Variants in EIF2D observed in about 807,000 individuals in gnomAD.
The protein encoded by EIF2D is hepatocellular carcinoma-associated antigen 56.
Under a neutral mutation model 77.4 loss-of-function variants are expected in EIF2D, and 56 were observed. The observed-to-expected ratio is 0.72, with a 90% CI of 0.58 to 0.90. EIF2D has a LOEUF of 0.90. Among genes scored for constraint, EIF2D ranks in the 40% least tolerant of loss-of-function variants. EIF2D has a pLI of 0.00. For synonymous variants in EIF2D, 230 were observed against 271.0 expected, an observed-to-expected ratio of 0.85 and a Z score of 1.49; for missense variants, 574 against 706.5, an observed-to-expected ratio of 0.81 and a Z score of 2.13.
chr1:206,569,901 C>T (rs1430470005), downstream of EIF2D, among the ~76,000 whole-genome samples: 2 of 151,994 alleles, frequency 1.3e-5, no homozygotes, highest in Admixed American at 6.6e-5. Context: ...GAGGGCTTGG[C>T]GTGATGGAGG....
At position 206,593,747 on chromosome 1, in the gene EIF2D, G is replaced by A. The variant is rs781871445; in HGVS notation, c.1556C>T (p.Ser519Leu). Residue 519 changes from serine to leucine, a missense_variant, in exon 14 of 15, where the codon TCA (serine) becomes TTA (leucine). Ser to Leu is a moderately radical substitution (Grantham distance 145, BLOSUM62 -2). Transcript: ENST00000271764. ...NLEAYGLDPYSVAAILQQRCQ... is the reference protein window; with the variant it reads ...NLEAYGLDPYLVAAILQQRCQ... ...TCGCTGCTGAAGGATGGCAGCCACT[G>A]AGTATGGGTCCAGACCATAGGCCTC... 1.2e-6 allele frequency: 2 copies of A among 1,613,746 alleles called. No individual in the cohort carries two copies. The highest frequency in any genetic ancestry group is 2.2e-5 in the East Asian group (1 of 44,876).
At chr1:206,569,593 G>C (rs1281080135), downstream of EIF2D, among the ~76,000 whole-genome samples, 3 of 152,212 alleles carry the variant, frequency 2.0e-5, no homozygotes, top group Non-Finnish European at 4.4e-5. Context: ...CTGGCCCTGT[G>C]ACAGCCATCT....
intron 4 of EIF2D, among the ~76,000 whole-genome samples, chr1:206,580,228 C>T (rs1553405990): frequency 6.6e-6 from 1 of 152,180 alleles, no homozygotes; most frequent in African/African-American, 2.4e-5. Flanking sequence ...CTTTGCTTCT[C>T]ACTGTATTCA....
rs551042292 is a variant in EIF2D, at chr1:206,586,577, T to C, written c.139-5415A>G. ...CACAGAAACTTAAGATTATTGAGTT[T>C]CAAAATAAAAACATGGTTCATAGAC... On this transcript the variant is annotated intron_variant and NMD_transcript_variant, in intron 2 of 5. Coordinates refer to the EIF2D transcript ENST00000472709. The C allele has an allele frequency of 2.0e-4, 76 of 389,112 alleles. 1 individual carries two copies. Among genetic ancestry groups the C allele is most frequent in the African/African-American group, 1.5e-3 (73 of 48,140 alleles). 24.1% of individuals were successfully genotyped at this position (389,112 alleles called of 1,614,324 possible).
chr1:206,586,919 G>C, downstream of EIF2D: 3 of 1,614,200 alleles, frequency 1.9e-6, no homozygotes, highest in Non-Finnish European at 2.5e-6. Context: ...AAAGAAGTAT[G>C]ACAAGTTTAG....
Position 206,602,973 on chromosome 1 carries a change from GGA to G in EIF2D, c.760_761del (p.Ser254HisfsTer3). ...TACCTTGAAGCGTTTTGCTATCTGT[GGA>G]GTCTTGGTTCAGGCCCCTGGTGCTG... ...DTSTRGLNQD[S>X]TDSKTLQEQM... On this transcript the variant is annotated frameshift_variant, in exon 6 of 15. Transcript: ENST00000271764. LOFTEE classifies it high-confidence loss of function. 1.2e-6 allele frequency: 2 copies of G among 1,614,104 alleles called. No individual in the cohort carries two copies. Among genetic ancestry groups the G allele is most frequent in the South Asian group, 1.1e-5 (1 of 91,086 alleles).
chr1:206,606,946 A>G (rs140520671), intron 4 of EIF2D, among the ~76,000 whole-genome samples: 117 of 152,334 alleles, frequency 7.7e-4, no homozygotes, highest in African/African-American at 2.5e-3. Flanking sequence ...CAGAAAATAC[A>G]CATGATCTTC....
At chr1:206,594,549 A>G (rs1237152092) in intron 13 of EIF2D, 1 of 152,254 alleles carries the variant, frequency 6.6e-6, no homozygotes, top group Non-Finnish European at 1.5e-5. Context: ...GATGACTGCT[A>G]TCAATAAAGA....
chr1:206,594,948 T>G (rs1669576398), intron 13 of EIF2D: 1 of 152,220 alleles, frequency 6.6e-6, no homozygotes, highest in South Asian at 2.1e-4. Flanking sequence ...ACCAAGTATT[T>G]ATATGCCAAG....
downstream of EIF2D, chr1:206,586,662 T>C (rs946598339): frequency 3.1e-6 from 2 of 637,482 alleles, no homozygotes; most frequent in African/African-American, 3.6e-5. Flanking sequence ...ATGACAGGCA[T>C]GCAAAGCCCA....
In EIF2D at chr1:206,596,211, G is replaced by A. The variant is rs191617739; in HGVS notation, c.1389-373C>T. ...ATGTGCCTTAAGTGGCCCATTGCCT[G>A]CGAGTGCTGCTTCACATTTCTGACA... is the stretch of plus-strand genomic sequence containing the variant. On this transcript the variant is annotated intron_variant, in intron 12 of 14. Transcript: ENST00000271764. 3.3e-5 allele frequency among the ~76,000 whole-genome samples: 5 copies of A among 152,332 alleles called. No homozygotes were observed. In the East Asian group the frequency reaches 9.6e-4, roughly 29 times the overall value.
At chr1:206,603,967 C>T (rs182455647) in intron 5 of EIF2D, among the ~76,000 whole-genome samples, 9 of 152,108 alleles carry the variant, frequency 5.9e-5, no homozygotes, top group Non-Finnish European at 5.9e-5. Flanking sequence ...CAAGGTGCAG[C>T]GAGAGAACCA....
chr1:206,608,754 T>G (rs1670321919), intron 3 of EIF2D, among the ~76,000 whole-genome samples: 1 of 152,224 alleles, frequency 6.6e-6, no homozygotes, highest in African/African-American at 2.4e-5. Context: ...TCTTCTGGCA[T>G]AAAAGAGCTA....
At chr1:206,598,014 T>A (rs952413186) in intron 11 of EIF2D, among the ~76,000 whole-genome samples, 2 of 152,144 alleles carry the variant, frequency 1.3e-5, no homozygotes, top group Non-Finnish European at 2.9e-5. Context: ...AACTTTTTTA[T>A]CATGATGATG....
chr1:206,595,824 A>G lies in EIF2D; in HGVS notation c.1403T>C (p.Leu468Ser). Reference protein sequence around the residue: ...DSLLTRCLEKLQPAYQVTLPG... With the variant: ...DSLLTRCLEKSQPAYQVTLPG... Reference sequence around the variant, plus strand: ...AAGGGTCACTTGATAGGCAGGCTGTAATTTTTCCAAACACCTGAAACAGAA... The same window carrying G: ...AAGGGTCACTTGATAGGCAGGCTGTGATTTTTCCAAACACCTGAAACAGAA... The change falls in exon 13 of 15, where the codon TTA (leucine) becomes TCA (serine). Residue 468 changes from leucine (L) to serine (S), a missense_variant. Coordinates refer to ENST00000271764, the MANE Select transcript of EIF2D (RefSeq NM_006893.3). 1.2e-6 allele frequency: 2 copies of G among 1,614,118 alleles called. No individual in the cohort carries two copies. Among genetic ancestry groups the G allele is most frequent in the Non-Finnish European group, 1.7e-6 (2 of 1,179,982 alleles).
intron 4 of EIF2D, among the ~76,000 whole-genome samples, chr1:206,574,814 T>C (rs1207820219): frequency 3.3e-5 from 5 of 151,862 alleles, no homozygotes; most frequent in African/African-American, 1.2e-4. Context: ...GGGATTCCTC[T>C]TTCTCATTTG....
intron 7 of EIF2D, 47 bp from the exon 8 acceptor site, chr1:206,600,355 TG>T: frequency 6.3e-7 from 1 of 1,576,676 alleles, no homozygotes; most frequent in Middle Eastern, 1.7e-4. Context: ...GCAGTCATAC[TG>T]GGACCTGCCT....
intron 4 of EIF2D, among the ~76,000 whole-genome samples, chr1:206,577,630 A>G (rs1280748439): frequency 6.6e-6 from 1 of 152,234 alleles, no homozygotes; most frequent in Non-Finnish European, 1.5e-5. Context: ...CTATGTGTCA[A>G]GCTGGCACTG....
chr1:206,603,036 A>C lies in EIF2D; in HGVS notation c.699T>G (p.Arg233=), dbSNP rs782128988. Residue 233 remains arginine, a synonymous_variant, in exon 6 of 15, where the codon CGT becomes CGG. Coordinates refer to ENST00000271764, the MANE Select transcript of EIF2D (RefSeq NM_006893.3). ...GGGCTTCTGAGAGAGACTTGTCTTC[A>C]CGTGCCTGGTGAACCTCCCCATTCT... ...EEENGEVHQA[R]EDKSLSEAPE... is the part of the protein sequence containing the mutation. 1 of 1,614,124 alleles carries C rather than the reference A, an allele frequency of 6.2e-7. No homozygotes were observed.
Sources: allele counts gnomAD v4.1 joint callset (sites outside exome capture counted in the v4.1 genomes callset), GRCh38; gene constraint gnomAD v4.1.1; transcripts MANE v1.5; gene names NCBI Gene and HGNC (gene_info 2026-07-23, HGNC 2026-07-21).